The following NSD2 variants were observed in gnomAD, a reference collection of about 807,000 sequenced individuals.
NSD2 encodes the protein histone-lysine N-methyltransferase NSD2.
Under a neutral mutation model 139.0 loss-of-function variants are expected in NSD2, and 12 were observed. The ratio of observed to expected loss-of-function variants is 0.09; its 90% confidence interval spans 0.06 to 0.14. The LOEUF is 0.14. Ranked by LOEUF, NSD2 falls within the 10% of genes least tolerant of loss-of-function variation. NSD2 has a pLI of 1.00. For missense variants in NSD2, 1,155 were observed against 1,745.0 expected, an observed-to-expected ratio of 0.66 and a Z score of 6.02; for synonymous variants, 669 against 648.7, an observed-to-expected ratio of 1.03 and a Z score of -0.48.
chr4:1,977,485 C>G (rs970566857), intron 21 of NSD2, among the ~76,000 whole-genome samples: 1 of 152,130 alleles, frequency 6.6e-6, no homozygotes, highest in African/African-American at 2.4e-5. Flanking sequence ...AAACAAGAAA[C>G]CCAAAAGAGG....
intron 7 of NSD2, among the ~76,000 whole-genome samples, chr4:1,937,079 T>C (rs994712729): frequency 6.7e-6 from 1 of 150,182 alleles, no homozygotes; most frequent in African/African-American, 2.5e-5. Flanking sequence ...TGAGAGGGAG[T>C]CTCACTTCGT....
At position 1,901,150 on chromosome 4, in the gene NSD2, A is replaced by G. The variant is rs1717112931; in HGVS notation, c.496A>G (p.Arg166Gly). The G allele has an allele frequency of 6.2e-7, 1 of 1,614,150 alleles. No homozygotes were observed. The highest frequency in any genetic ancestry group is 8.5e-7 in the Non-Finnish European group (1 of 1,180,044). Residue 166 changes from arginine (R) to glycine (G), a missense_variant, in exon 2 of 22, where the codon AGA (arginine) becomes GGA (glycine). Physicochemically the swap from Arg to Gly is moderately radical, Grantham distance 125. Around this residue, in one of 8 missense-constraint regions of NSD2, gnomAD observed 246 missense variants for 262.8 expected, o/e 0.94. Coordinates refer to ENST00000508803, the MANE Select transcript of NSD2 (RefSeq NM_001042424.3). ...ENGQKPENKA[R>G]RNRKRSIKYD... ...TGGACAAAAACCAGAAAACAAGGCGAGAAGGAACAGGAAGAGGAGCATAAA... is the reference window on the plus strand; with the variant it reads ...TGGACAAAAACCAGAAAACAAGGCGGGAAGGAACAGGAAGAGGAGCATAAA...
At chr4:1,930,478 G>A in intron 5 of NSD2, 148 bp from the exon 6 acceptor site, 1 of 819,256 alleles carries the variant, frequency 1.2e-6, no homozygotes, top group South Asian at 2.7e-5. Context: ...ACTTTTCTTT[G>A]AAGCTTTTAT....
intron 1 of NSD2, among the ~76,000 whole-genome samples, chr4:1,874,620 T>C (rs1714115671): frequency 6.6e-6 from 1 of 152,180 alleles, no homozygotes; most frequent in African/African-American, 2.4e-5. Context: ...GAGAAGAAGC[T>C]GAGTCTAGAA....
Position 1,948,552 on chromosome 4 carries a change from G to C in NSD2, c.1882-2520G>C, listed in dbSNP as rs1358685852. 1 of 1,064,170 alleles carries C rather than the reference G, an allele frequency of 9.4e-7. No homozygotes were observed. The highest frequency in any genetic ancestry group is 1.1e-6 in the Non-Finnish European group (1 of 877,710). 65.9% of individuals were successfully genotyped at this position (1,064,170 alleles called of 1,614,324 possible). On this transcript the variant is annotated intron_variant, in intron 9 of 21. Coordinates refer to ENST00000508803, the MANE Select transcript of NSD2 (RefSeq NM_001042424.3). The surrounding 1 kb of genome is among the most constrained non-coding windows in gnomAD (Gnocchi z 4.5). Reference sequence around the variant, plus strand: ...CTAGTTGTCTGTCCGGTGGCTGGGAGGGGGTGTGGTGGGAAAAAGTCGGAA... The same window carrying C: ...CTAGTTGTCTGTCCGGTGGCTGGGACGGGGTGTGGTGGGAAAAAGTCGGAA...
Position 1,958,217 on chromosome 4 carries a change from G to C in NSD2, c.2985+181G>C, listed in dbSNP as rs776475452. 6.6e-6 allele frequency among the ~76,000 whole-genome samples: 1 copy of C among 152,232 alleles called. No homozygotes were observed. Among genetic ancestry groups the C allele is most frequent in the Non-Finnish European group, 1.5e-5 (1 of 68,040 alleles). On this transcript the variant is annotated intron_variant, in intron 16 of 21. Coordinates refer to ENST00000508803, the MANE Select transcript of NSD2 (RefSeq NM_001042424.3). This position sits in a 1 kb window ranked among gnomAD's most constrained non-coding sequence, Gnocchi z 4.6. ...CAAATGGCATGGGGGGATCTGCATG[G>C]GGGTTCTTGGATCCGCCTTGGAGTG...
At chr4:1,934,167 C>G (rs933688413) in intron 6 of NSD2, among the ~76,000 whole-genome samples, 1 of 151,448 alleles carries the variant, frequency 6.6e-6, no homozygotes, top group Non-Finnish European at 1.5e-5. Context: ...CTCACTGCAA[C>G]CTCCACCTCC....
intron 3 of NSD2, among the ~76,000 whole-genome samples, chr4:1,914,574 C>T (rs1719110858): frequency 6.6e-6 from 1 of 152,144 alleles, no homozygotes; most frequent in African/African-American, 2.4e-5. Flanking sequence ...GATCTGCCCA[C>T]CTTGGCCTCC....
intron 1 of NSD2, among the ~76,000 whole-genome samples, chr4:1,899,690 A>G (rs1254543435): frequency 6.6e-6 from 1 of 152,112 alleles, no homozygotes; most frequent in East Asian, 1.9e-4. Flanking sequence ...CCTTCACTAG[A>G]TGTCTCAGAT....
intron 9 of NSD2, chr4:1,946,222 T>G: frequency 9.8e-7 from 1 of 1,015,304 alleles, no homozygotes; most frequent in East Asian, 6.7e-5. Context: ...TATTGGCTTC[T>G]TAACTTCTAA....
chr4:1,955,878 T>A lies in NSD2; in HGVS notation c.2675+29T>A, dbSNP rs1249591292. 3.7e-6 allele frequency: 6 copies of A among 1,611,184 alleles called. No individual in the cohort carries two copies. Among genetic ancestry groups the A allele is most frequent in the Non-Finnish European group, 4.2e-6 (5 of 1,177,546 alleles). ...TGAGACATAGAATCGTATGCTTTTA[T>A]GTCTTTTCTGTTCACATGTGTTCGC... On this transcript the variant is annotated intron_variant, in intron 14 of 21. Coordinates refer to ENST00000508803, the MANE Select transcript of NSD2 (RefSeq NM_001042424.3). The surrounding 1 kb of genome is among the most constrained non-coding windows in gnomAD (Gnocchi z 4.7).
Position 1,916,938 on chromosome 4 carries a change from A to G in NSD2, c.828A>G (p.Ile276Met), listed in dbSNP as rs757238305. 7.4e-6 allele frequency: 12 copies of G among 1,614,198 alleles called. No individual in the cohort carries two copies. The highest frequency in any genetic ancestry group is 1.0e-5 in the Non-Finnish European group (12 of 1,180,030). The change falls in exon 4 of 22, where the codon ATA becomes ATG. Residue 276 changes from isoleucine to methionine, a missense_variant. Transcript: ENST00000508803. ...GTGACGCCCCAGAAAGAGCTTGGAT[A>G]TTTGAGAAGAGCCTCGTAGCTTTTG... is the stretch of plus-strand genomic sequence containing the variant. ...FFGDAPERAW[I>M]FEKSLVAFEG...
At chr4:1,936,311 G>C (rs1246636317) in intron 7 of NSD2, among the ~76,000 whole-genome samples, 2 of 152,130 alleles carry the variant, frequency 1.3e-5, no homozygotes, top group African/African-American at 4.8e-5. Context: ...CAGATGTCCG[G>C]TTAACTTTTT....
intron 20 of NSD2, 24 bp downstream of exon 20, chr4:1,975,424 C>T: frequency 6.2e-7 from 1 of 1,605,524 alleles, no homozygotes. Flanking sequence ...GCCCTCCTTC[C>T]CCCCAGGCTC....
intron 5 of NSD2, among the ~76,000 whole-genome samples, chr4:1,926,176 G>A (rs1420501296): frequency 2.4e-5 from 3 of 124,454 alleles, no homozygotes; most frequent in African/African-American, 9.8e-5. Context: ...TTTTTTTTAA[G>A]ACGTAGTCTC....
Position 1,955,293 on chromosome 4 carries a change from G to C in NSD2, c.2471G>C (p.Arg824Pro). Reference protein sequence around the residue: ...TAHFTARKGKRHHAHVNVSWC... With the variant: ...TAHFTARKGKPHHAHVNVSWC... ...CACTTCACTGCTCGGAAGGGGAAGCGACACCACGCCCACGTCAACGTGAGC... is the reference window on the plus strand; with the variant it reads ...CACTTCACTGCTCGGAAGGGGAAGCCACACCACGCCCACGTCAACGTGAGC... Residue 824 changes from arginine (R) to proline (P), a missense_variant, in exon 13 of 22, where the codon CGA (arginine) becomes CCA (proline). By Grantham distance (103) the Arg-to-Pro change is moderately radical. Transcript: ENST00000508803. The surrounding 1 kb of genome is among the most constrained non-coding windows in gnomAD (Gnocchi z 4.7). 1 of 1,613,936 alleles carries C rather than the reference G, an allele frequency of 6.2e-7. No individual in the cohort carries two copies. The highest frequency in any genetic ancestry group is 8.5e-7 in the Non-Finnish European group (1 of 1,179,938).
chr4:1,968,366 CTAATGG>C (rs1726097081), intron 18 of NSD2, among the ~76,000 whole-genome samples: 1 of 152,174 alleles, frequency 6.6e-6, no homozygotes. Flanking sequence ...GCATTGAACA[CTAATGG>C]TCACAGGGAG....
intron 10 of NSD2, among the ~76,000 whole-genome samples, chr4:1,951,443 T>TACACACACAC (rs71167763): frequency 6.9e-5 from 7 of 101,082 alleles, no homozygotes; most frequent in African/African-American, 2.0e-4. Flanking sequence ...CATCATGTAA[T>TACACACACAC]ACACACACAC....
At chr4:1,892,395 C>G (rs747140730) in intron 1 of NSD2, 3 of 152,168 alleles carry the variant, frequency 2.0e-5, no homozygotes, top group Non-Finnish European at 4.4e-5. Context: ...CCATGTGGTC[C>G]TATAGGGGCT....
Sources: allele counts gnomAD v4.1 joint callset (sites outside exome capture counted in the v4.1 genomes callset), GRCh38; gene constraint gnomAD v4.1.1; regional missense constraint gnomAD v4.1.1; non-coding constraint Gnocchi (gnomAD v3.1); transcripts MANE v1.5; gene names NCBI Gene and HGNC (gene_info 2026-07-23, HGNC 2026-07-21).